SOX5: variants seen among roughly 807,000 people sequenced by gnomAD.
The protein encoded by SOX5 is transcription factor SOX-5.
In SOX5, 9 loss-of-function variants were observed where a neutral mutation model predicts 92.0. The ratio of observed to expected loss-of-function variants is 0.10; its 90% CI spans 0.06 to 0.17. SOX5 has a LOEUF of 0.17. Ranked by LOEUF, SOX5 falls within the 10% of genes least tolerant of loss-of-function variation. The pLI, the probability that SOX5 is intolerant of heterozygous loss-of-function variation, is 1.00. For missense variants in SOX5, 642 were observed against 944.5 expected (o/e 0.68, Z 4.20); for synonymous variants, 344 against 336.3 (o/e 1.02, Z -0.25).
chr12:24,462,276 T>C (rs1000073745), intron 1 of SOX5, among the ~76,000 whole-genome samples: 3 of 152,158 alleles, frequency 2.0e-5, no homozygotes, highest in Admixed American at 2.0e-4. Flanking sequence ...TATGTAAACA[T>C]AAATGAACAT....
intron 3 of SOX5, among the ~76,000 whole-genome samples, chr12:23,779,505 T>A (rs1478289642): frequency 4.6e-5 from 7 of 151,488 alleles, no homozygotes; most frequent in African/African-American, 9.7e-5. Flanking sequence ...GTTAGTTTTT[T>A]ACCAAATTCA....
intron 3 of SOX5, among the ~76,000 whole-genome samples, chr12:23,834,112 A>T (rs1330075568): frequency 6.6e-6 from 1 of 152,012 alleles, no homozygotes; most frequent in Non-Finnish European, 1.5e-5. Context: ...GAATTCTGAC[A>T]AAGTTGTTTG....
At chr12:24,558,182 A>T (rs577301301) in intron 1 of SOX5, among the ~76,000 whole-genome samples, 13 of 152,204 alleles carry the variant, frequency 8.5e-5, no homozygotes, top group Admixed American at 2.6e-4. Context: ...ACTATTAGCA[A>T]CTTTAAAATA....
At position 23,898,101 on chromosome 12, in the gene SOX5, G is replaced by A. The variant is rs368482079; in HGVS notation, c.39-2077C>T. Among the ~76,000 whole-genome samples, 8 of 152,266 alleles carry A rather than the reference G, an allele frequency of 5.3e-5. No individual in the cohort carries two copies. In the East Asian group the frequency reaches 1.2e-3, roughly 22 times the overall value. The stretch of plus-strand genomic sequence containing the variant: ...AGAGATATTTAATTCCCACTGTTCT[G>A]ATTCGATGTTCTACAGGCAAACTTC... On this transcript the variant is annotated intron_variant, in intron 1 of 14. Coordinates refer to ENST00000451604, the MANE Select transcript of SOX5 (RefSeq NM_006940.6).
intron 1 of SOX5, among the ~76,000 whole-genome samples, chr12:24,529,875 C>G (rs2138628895): frequency 1.3e-5 from 2 of 152,214 alleles, no homozygotes; most frequent in Non-Finnish European, 2.9e-5. Flanking sequence ...AAAAAATTAG[C>G]TAGGCGTGGT....
chr12:24,276,485 T>C (rs1944446270), intron 3 of SOX5, among the ~76,000 whole-genome samples: 1 of 152,136 alleles, frequency 6.6e-6, no homozygotes, highest in Non-Finnish European at 1.5e-5. Context: ...GAAAGGAGAT[T>C]TCCCTTTCAA....
At position 23,718,803 on chromosome 12, in the gene SOX5, C is replaced by T. The variant is rs370753273; in HGVS notation, c.810+15881G>A. On this transcript the variant is annotated intron_variant, in intron 6 of 14. Coordinates refer to ENST00000451604, the MANE Select transcript of SOX5 (RefSeq NM_006940.6). ...GGAAAAGACTGAAAACAAATGGCTGCTAATGCAGCTACATGGAGGAGACGG... is the reference window on the plus strand; with the variant it reads ...GGAAAAGACTGAAAACAAATGGCTGTTAATGCAGCTACATGGAGGAGACGG... Among the ~76,000 whole-genome samples, 21 of 152,282 alleles carry T rather than the reference C, an allele frequency of 1.4e-4. No homozygotes were observed. In the East Asian group the frequency reaches 3.3e-3, roughly 24 times the overall value.
intron 1 of SOX5, among the ~76,000 whole-genome samples, chr12:24,504,873 C>G (rs148594367): frequency 8.1e-4 from 124 of 152,276 alleles, no homozygotes; most frequent in African/African-American, 2.9e-3. Context: ...CCTGGCTACT[C>G]TCACTTTTTT....
intron 3 of SOX5, among the ~76,000 whole-genome samples, chr12:24,232,145 A>T (rs1354130256): frequency 6.6e-6 from 1 of 151,912 alleles, no homozygotes; most frequent in Non-Finnish European, 1.5e-5. Flanking sequence ...GTATCTTGTG[A>T]GCAGGCTTAC....
chr12:23,630,549 G>A (rs1193475427), intron 8 of SOX5, among the ~76,000 whole-genome samples: 1 of 151,904 alleles, frequency 6.6e-6, no homozygotes, highest in Non-Finnish European at 1.5e-5. Context: ...ATAACAAATA[G>A]TTCTCAAATC....
At chr12:24,053,345 G>T (rs1592709450) in intron 4 of SOX5, among the ~76,000 whole-genome samples, 1 of 152,014 alleles carries the variant, frequency 6.6e-6, no homozygotes, top group African/African-American at 2.4e-5. Context: ...GGCCAGCCTG[G>T]TCTCGAACTC....
chr12:24,209,123 T>C (rs1028849435), intron 4 of SOX5, among the ~76,000 whole-genome samples: 4 of 152,200 alleles, frequency 2.6e-5, no homozygotes, highest in African/African-American at 9.7e-5. Flanking sequence ...CATTTAAATA[T>C]TTTGCTTCTA....
chr12:23,949,665 T>A lies in SOX5; in HGVS notation c.-64A>T. On this transcript the variant is annotated 5_prime_UTR_variant, in exon 1 of 15. Transcript: ENST00000451604. ...CTATGATCGTCTCCAACTGAACCTG[T>A]CAAGTGAGTCCAAACCTTCTAAACC... is the stretch of plus-strand genomic sequence containing the variant. 6.2e-7 allele frequency: 1 copy of A among 1,613,322 alleles called. No individual in the cohort carries two copies. The highest frequency in any genetic ancestry group is 8.5e-7 in the Non-Finnish European group (1 of 1,179,578).
intron 4 of SOX5, among the ~76,000 whole-genome samples, chr12:24,056,969 C>T (rs1958182915): frequency 3.2e-5 from 1 of 31,142 alleles, no homozygotes; most frequent in Non-Finnish European, 7.9e-5. Flanking sequence ...AGCGAGACTC[C>T]GTCTCAAAAA....
intron 1 of SOX5, among the ~76,000 whole-genome samples, chr12:24,482,745 A>G (rs951967415): frequency 2.0e-5 from 3 of 152,224 alleles, no homozygotes; most frequent in Non-Finnish European, 4.4e-5. Flanking sequence ...TGTGCTTTTA[A>G]AGGACTACAT....
chr12:24,482,032 CA>C (rs987336660), intron 1 of SOX5, among the ~76,000 whole-genome samples: 3 of 152,104 alleles, frequency 2.0e-5, no homozygotes, highest in African/African-American at 7.2e-5. Context: ...GGAGGAAAAA[CA>C]AAACATGTGA....
At chr12:23,880,798 A>G (rs1490559014) in intron 2 of SOX5, among the ~76,000 whole-genome samples, 1 of 152,216 alleles carries the variant, frequency 6.6e-6, no homozygotes, top group East Asian at 1.9e-4. Flanking sequence ...ACGGAAAGCA[A>G]AGAAATGAAT....
intron 4 of SOX5, among the ~76,000 whole-genome samples, chr12:24,048,500 A>G (rs1957256633): frequency 6.6e-6 from 1 of 152,200 alleles, no homozygotes. Context: ...TATACCCAAG[A>G]AAAATGTAAA....
chr12:24,312,679 C>T (rs758392229), intron 2 of SOX5, among the ~76,000 whole-genome samples: 35 of 152,276 alleles, frequency 2.3e-4, no homozygotes, highest in Non-Finnish European at 4.6e-4. Context: ...TTCAGAAAGA[C>T]ATTTAATTTA....
Sources: allele counts gnomAD v4.1 joint callset (sites outside exome capture counted in the v4.1 genomes callset), GRCh38; gene constraint gnomAD v4.1.1; transcripts MANE v1.5; gene names NCBI Gene and HGNC (gene_info 2026-07-23, HGNC 2026-07-21).